SPATA13: variants seen among roughly 807,000 people sequenced by gnomAD.
SPATA13 encodes the protein spermatogenesis associated 13, also known as spermatogenesis-associated protein 13.
In SPATA13, 50 loss-of-function variants were observed where a neutral mutation model predicts 104.0. That is an observed-to-expected ratio of 0.48 (90% CI 0.38 to 0.61). SPATA13 has a LOEUF of 0.61. SPATA13 is among the 20% of genes least tolerant of loss of function. SPATA13 has a pLI of 0.00. For synonymous variants in SPATA13, 606 were observed against 667.5 expected, an observed-to-expected ratio of 0.91 and a Z score of 1.42; for missense variants, 1,524 against 1,690.6, an observed-to-expected ratio of 0.90 and a Z score of 1.73.
At chr13:23,987,574 A>C (rs1875212075) in intron 2 of SPATA13, among the ~76,000 whole-genome samples, 1 of 152,240 alleles carries the variant, frequency 6.6e-6, no homozygotes. Context: ...TGATTTTGCC[A>C]ATAAGAATTT....
intron 3 of SPATA13, among the ~76,000 whole-genome samples, chr13:24,147,373 C>A (rs1344883401): frequency 6.6e-6 from 1 of 152,038 alleles, no homozygotes; most frequent in Non-Finnish European, 1.5e-5. Flanking sequence ...TAAATAGGGG[C>A]AGAGTGTCAC....
In SPATA13 at chr13:24,045,814, G is replaced by A. The variant is rs2137734960; in HGVS notation, c.-112+28113G>A. Among the ~76,000 whole-genome samples the A allele has an allele frequency of 1.3e-5, 2 of 152,308 alleles. 1 individual carries two copies. Among genetic ancestry groups the A allele is most frequent in the East Asian group, 3.9e-4 (2 of 5,180 alleles). On this transcript the variant is annotated intron_variant, in intron 3 of 14. Coordinates refer to the SPATA13 transcript ENST00000424834. ...CAACTGCAGGCTCTCGGCCTACCAG[G>A]CTGCCTTCCTCACCTCCTCATGGTC...
intron 3 of SPATA13, among the ~76,000 whole-genome samples, chr13:24,119,998 C>T (rs1880982630): frequency 6.6e-6 from 1 of 152,160 alleles, no homozygotes; most frequent in African/African-American, 2.4e-5. Flanking sequence ...CCATCCCCAG[C>T]CCCACCCCCA....
At chr13:24,007,435 T>C (rs1363622101) in intron 2 of SPATA13, among the ~76,000 whole-genome samples, 1 of 152,126 alleles carries the variant, frequency 6.6e-6, no homozygotes, top group African/African-American at 2.4e-5. Flanking sequence ...CTGGGTGATG[T>C]TTAAGTTGCA....
At chr13:24,147,684 T>C (rs1221386082) in intron 3 of SPATA13, among the ~76,000 whole-genome samples, 2 of 152,196 alleles carry the variant, frequency 1.3e-5, no homozygotes, top group Non-Finnish European at 2.9e-5. Context: ...TATATTGCTG[T>C]GCAACCAACA....
intron 4 of SPATA13, among the ~76,000 whole-genome samples, chr13:24,264,322 G>C (rs1167486700): frequency 2.0e-5 from 3 of 152,134 alleles, no homozygotes; most frequent in Non-Finnish European, 4.4e-5. Flanking sequence ...AGGAGAGCAA[G>C]ACAGCTAAAT....
chr13:24,205,831 GAGA>G lies in SPATA13; in HGVS notation c.-111-16986_-111-16984del, dbSNP rs1329579443. Among the ~76,000 whole-genome samples the G allele has an allele frequency of 6.6e-6, 1 of 152,126 alleles. No individual in the cohort carries two copies. Among genetic ancestry groups the G allele is most frequent in the Admixed American group, 6.5e-5 (1 of 15,274 alleles). ...CAAACCTGACCAAAAACAAGCAATG[GAGA>G]AAGGATACCCTATTTAATAAATGGT... On this transcript the variant is annotated intron_variant, in intron 1 of 12. Coordinates refer to ENST00000382108, the MANE Select transcript of SPATA13 (RefSeq NM_001166271.3). This position sits in a 1 kb window ranked among gnomAD's most constrained non-coding sequence, Gnocchi z 4.1.
intron 4 of SPATA13, chr13:24,271,023 TCTCTCTCTCTCTCTCTCA>T (rs1468713611): frequency 6.4e-4 from 238 of 373,702 alleles, no homozygotes; most frequent in South Asian, 6.3e-3. Flanking sequence ...TCTCTCTCAC[TCTCTCTCTCTCTCTCTCA>T]CTCTCTCTCT....
intron 11 of SPATA13, among the ~76,000 whole-genome samples, chr13:24,298,598 G>A (rs1367440741): frequency 6.6e-6 from 1 of 152,164 alleles, no homozygotes; most frequent in Non-Finnish European, 1.5e-5. Context: ...CCACAGTGAA[G>A]GATATTCATC....
intron 1 of SPATA13, among the ~76,000 whole-genome samples, chr13:24,216,255 A>C (rs1244951707): frequency 6.6e-6 from 1 of 152,210 alleles, no homozygotes; most frequent in Non-Finnish European, 1.5e-5. Context: ...AACTTTAGAC[A>C]CAGAAGGAAG....
chr13:24,109,168 C>T (rs926504982), intron 3 of SPATA13, among the ~76,000 whole-genome samples: 7 of 152,120 alleles, frequency 4.6e-5, no homozygotes, highest in African/African-American at 1.4e-4. Context: ...TCCAAGTGTT[C>T]TCATTGTTCA....
At chr13:24,252,130 C>G (rs1323727697) in intron 4 of SPATA13, among the ~76,000 whole-genome samples, 1 of 152,054 alleles carries the variant, frequency 6.6e-6, no homozygotes, top group African/African-American at 2.4e-5. Flanking sequence ...GTGGAGATCC[C>G]TAAAGAACCG....
chr13:24,168,653 G>A (rs942939948), intron 1 of SPATA13, among the ~76,000 whole-genome samples: 23 of 152,250 alleles, frequency 1.5e-4, no homozygotes, highest in African/African-American at 5.1e-4. Context: ...GGACTGAATA[G>A]GGTTTAGAAA....
At chr13:24,293,022 A>AAAAG (rs35053977) in intron 9 of SPATA13, among the ~76,000 whole-genome samples, 9 of 134,818 alleles carry the variant, frequency 6.7e-5, no homozygotes, top group African/African-American at 1.6e-4. Context: ...AAAAAAAAAA[A>AAAAG]GGCGAGGGTG....
chr13:24,036,376 T>C (rs1877682006), intron 3 of SPATA13, among the ~76,000 whole-genome samples: 1 of 152,194 alleles, frequency 6.6e-6, no homozygotes, highest in Non-Finnish European at 1.5e-5. Flanking sequence ...AGGAAGAATG[T>C]CTGGCCTCAC....
chr13:24,139,804 AC>A (rs980248958), intron 3 of SPATA13, among the ~76,000 whole-genome samples: 30 of 152,186 alleles, frequency 2.0e-4, no homozygotes, highest in African/African-American at 7.2e-4. Context: ...GCGGTGGCTC[AC>A]GTCTGTAATC....
intron 3 of SPATA13, among the ~76,000 whole-genome samples, chr13:24,097,310 A>G (rs1283279077): frequency 6.6e-6 from 1 of 152,162 alleles, no homozygotes; most frequent in African/African-American, 2.4e-5. Flanking sequence ...ACAAATGAGA[A>G]GCTAAATAAT....
intron 3 of SPATA13, among the ~76,000 whole-genome samples, chr13:24,018,658 GGGT>G (rs1876825119): frequency 6.6e-6 from 1 of 152,182 alleles, no homozygotes; most frequent in South Asian, 2.1e-4. Flanking sequence ...TTTTAGCAGA[GGGT>G]TACTTATTGA....
intron 2 of SPATA13, among the ~76,000 whole-genome samples, chr13:24,227,545 C>G (rs1313884235): frequency 6.6e-6 from 1 of 152,132 alleles, no homozygotes; most frequent in African/African-American, 2.4e-5. Flanking sequence ...ATATTCATCA[C>G]ATTTTTCAGT....
Sources: allele counts gnomAD v4.1 joint callset (sites outside exome capture counted in the v4.1 genomes callset), GRCh38; gene constraint gnomAD v4.1.1; non-coding constraint Gnocchi (gnomAD v3.1); transcripts MANE v1.5; gene names NCBI Gene and HGNC (gene_info 2026-07-23, HGNC 2026-07-21).